The following MID1 variants were observed in gnomAD, a reference collection of about 807,000 sequenced individuals.
The protein encoded by MID1 is midline 1.
MID1 carries 7 observed loss-of-function variants against 40.4 expected under a neutral mutation model. The observed-to-expected ratio is 0.17, with a 90% CI of 0.10 to 0.33. The LOEUF (loss-of-function observed/expected upper bound fraction) is 0.33. Ranked by LOEUF, MID1 falls within the 10% of genes least tolerant of loss-of-function variation. MID1 has a pLI of 1.00. For synonymous variants in MID1, 229 were observed against 221.2 expected (o/e 1.04, Z -0.31); for missense variants, 367 against 558.5 (o/e 0.66, Z 3.46).
chrX:10,602,804 G>C (rs1171262074), intron 1 of MID1, among the ~76,000 whole-genome samples: 1 of 112,003 alleles, frequency 8.9e-6, no homozygotes, highest in Non-Finnish European at 1.9e-5. Flanking sequence ...GCATCATTCT[G>C]CCACCACATG....
intron 1 of MID1, among the ~76,000 whole-genome samples, chrX:10,598,195 C>T (rs752425260): frequency 4.5e-5 from 5 of 111,912 alleles, no homozygotes; most frequent in Non-Finnish European, 9.4e-5. Context: ...GAAGAGAACA[C>T]CAAAAGCAGC....
At chrX:10,495,957 T>C (rs1027093601) in intron 3 of MID1, among the ~76,000 whole-genome samples, 8 of 112,447 alleles carry the variant, frequency 7.1e-5, no homozygotes, top group Non-Finnish European at 1.3e-4. Flanking sequence ...AACATGTACA[T>C]AGCCATTACC....
chrX:10,561,114 G>A lies in MID1; in HGVS notation c.660+5774C>T, dbSNP rs962386856. 1.8e-4 allele frequency among the ~76,000 whole-genome samples: 19 copies of A among 107,292 alleles called. No homozygotes were observed. The Middle Eastern group carries it at 0.014, about 80-fold the overall frequency. 93.2% of individuals were successfully genotyped at this position (107,292 alleles called of 115,157 possible). On this transcript the variant is annotated intron_variant, in intron 2 of 9. Transcript: ENST00000317552. Reference sequence around the variant, plus strand: ...ACAAACCTGACAAAAACAAGCAATGGAGAAAGGATTCCCTATTTAATAAAT... The same window carrying A: ...ACAAACCTGACAAAAACAAGCAATGAAGAAAGGATTCCCTATTTAATAAAT...
intron 2 of MID1, among the ~76,000 whole-genome samples, chrX:10,554,944 A>G (rs924942728): frequency 1.8e-5 from 2 of 112,264 alleles, no homozygotes; most frequent in Non-Finnish European, 3.8e-5. Flanking sequence ...CCTAACACCT[A>G]AGTTGGTAAA....
intron 1 of MID1, among the ~76,000 whole-genome samples, chrX:10,778,952 T>C (rs1468194181): frequency 2.7e-5 from 3 of 112,953 alleles, no homozygotes; most frequent in Non-Finnish European, 5.6e-5. Context: ...GTGCCTGTGG[T>C]GTACCCACTT....
chrX:10,722,115 CA>C (rs35737786), intron 1 of MID1, among the ~76,000 whole-genome samples: 10,564 of 103,109 alleles, frequency 0.1, 821 homozygotes, highest in African/African-American at 0.27. Context: ...CATATGGCTG[CA>C]AAAAAAAAAA....
intron 1 of MID1, among the ~76,000 whole-genome samples, chrX:10,821,535 C>T (rs758882642): frequency 4.6e-4 from 52 of 112,109 alleles, no homozygotes; most frequent in Middle Eastern, 9.2e-3. Context: ...TAACAACACT[C>T]CCTTTGTCTT....
At chrX:10,673,310 G>A (rs189223204) in intron 1 of MID1, among the ~76,000 whole-genome samples, 13 of 111,518 alleles carry the variant, frequency 1.2e-4, no homozygotes, top group African/African-American at 4.2e-4. Flanking sequence ...CTTTATACAA[G>A]CAGATCTCTA....
At chrX:10,776,395 T>C (rs979457810) in intron 1 of MID1, among the ~76,000 whole-genome samples, 3 of 111,905 alleles carry the variant, frequency 2.7e-5, no homozygotes, top group African/African-American at 9.7e-5. Context: ...GAATTCAATT[T>C]TTATTTCATT....
chrX:10,636,784 G>GTATATATATATATATATATATATATA (rs1198448070), intron 1 of MID1, among the ~76,000 whole-genome samples: 4 of 12,155 alleles, frequency 3.3e-4, no homozygotes, highest in African/African-American at 8.5e-4. Flanking sequence ...CCAACAATGG[G>GTATATATATATATATATATATATATA]GATATATATA....
intron 2 of MID1, among the ~76,000 whole-genome samples, chrX:10,533,327 G>GAAAGGAAAGAAAGAAA (rs1491431073): frequency 4.2e-5 from 2 of 47,819 alleles, no homozygotes; most frequent in African/African-American, 8.6e-5. Flanking sequence ...AAGAAAGAAA[G>GAAAGGAAAGAAAGAAA]GAAAGAAAGA....
Position 10,544,173 on chromosome X carries a change from C to T in MID1, c.661-20986G>A, listed in dbSNP as rs746385825. Among the ~76,000 whole-genome samples, 3 of 111,560 alleles carry T rather than the reference C, an allele frequency of 2.7e-5. No individual in the cohort carries two copies. The East Asian group carries it at 8.5e-4, about 31-fold the overall frequency. On this transcript the variant is annotated intron_variant, in intron 2 of 9. Coordinates refer to ENST00000317552, the MANE Select transcript of MID1 (RefSeq NM_000381.4). ...ATTTATGTCTTGCTTCTTATGGCATCGTTCTTTAAAAAGTCAACTCATTTC... is the reference window on the plus strand; with the variant it reads ...ATTTATGTCTTGCTTCTTATGGCATTGTTCTTTAAAAAGTCAACTCATTTC...
intron 1 of MID1, among the ~76,000 whole-genome samples, chrX:10,694,945 A>G (rs2147078695): frequency 9.0e-6 from 1 of 111,445 alleles, no homozygotes; most frequent in Non-Finnish European, 1.9e-5. Context: ...CCCCTCCCCA[A>G]AATGAAACTG....
chrX:10,713,621 C>G lies in MID1; in HGVS notation c.-186-93202G>C, dbSNP rs773187847. 6.7e-3 allele frequency among the ~76,000 whole-genome samples: 759 copies of G among 112,662 alleles called. 5 individuals are homozygous for G. Among genetic ancestry groups the G allele is most frequent in the Non-Finnish European group, 9.7e-3 (515 of 53,319 alleles). On this transcript the variant is annotated intron_variant, in intron 1 of 10. Coordinates refer to the MID1 transcript ENST00000380785. Reference sequence around the variant, plus strand: ...GGGATTACAGGCGTGAGCCACTGTGCCTGAAAGAGAATTTTTAAAGGAAGT... The same window carrying G: ...GGGATTACAGGCGTGAGCCACTGTGGCTGAAAGAGAATTTTTAAAGGAAGT...
chrX:10,613,696 AATATATATATAT>A (rs1177605401), intron 1 of MID1, among the ~76,000 whole-genome samples: 36 of 16,851 alleles, frequency 2.1e-3, no homozygotes, highest in African/African-American at 8.3e-3. Context: ...AACTGAAAGG[AATATATATATAT>A]ATATATATAT....
At position 10,682,048 on chromosome X, in the gene MID1, G is replaced by A. The variant is rs182186785; in HGVS notation, c.-186-61629C>T. Among the ~76,000 whole-genome samples the A allele has an allele frequency of 1.2e-3, 131 of 111,495 alleles. 1 individual carries two copies. The highest frequency in any genetic ancestry group is 2.2e-3 in the Non-Finnish European group (118 of 53,088). ...GAGTTGGGCACGGTGGCTCATGCCT[G>A]TAATCCTAGCACTTTGGGAGGTGGA... On this transcript the variant is annotated intron_variant, in intron 1 of 10. Transcript: ENST00000380785.
chrX:10,522,583 G>A (rs1234402700), intron 3 of MID1, among the ~76,000 whole-genome samples: 1 of 111,830 alleles, frequency 8.9e-6, no homozygotes, highest in Non-Finnish European at 1.9e-5. Context: ...TGCAAGCTCC[G>A]CCTCCCGGGT....
At chrX:10,461,083 A>AATATATATATATATAT (rs35175429) in intron 7 of MID1, among the ~76,000 whole-genome samples, 33 of 99,355 alleles carry the variant, frequency 3.3e-4, no homozygotes, top group African/African-American at 1.3e-3. Flanking sequence ...CAGTGAATTA[A>AATATATATATATATAT]ATATATATAT....
intron 8 of MID1, among the ~76,000 whole-genome samples, chrX:10,459,297 A>G (rs1490071994): frequency 8.9e-6 from 1 of 111,977 alleles, no homozygotes; most frequent in African/African-American, 3.3e-5. Flanking sequence ...GAAAAATAAC[A>G]CTATCCACCA....
Sources: gnomAD v4.1 joint callset for allele counts (sites outside exome capture counted in the v4.1 genomes callset) on GRCh38, gnomAD v4.1.1 for gene constraint, MANE v1.5 for transcripts, NCBI Gene and HGNC (gene_info 2026-07-23, HGNC 2026-07-21) for gene names.